Variants in PCSK5 observed in about 807,000 individuals in gnomAD.
PCSK5 encodes the protein prohormone convertase 5.
PCSK5 carries 129 observed loss-of-function variants against 233.2 expected under a neutral mutation model. The ratio of observed to expected loss-of-function variants is 0.55; its 90% confidence interval spans 0.48 to 0.64. The LOEUF (loss-of-function observed/expected upper bound fraction) is 0.64, where lower values mean the gene tolerates loss of function less well. Among genes scored for constraint, PCSK5 ranks in the 30% least tolerant of loss-of-function variants. The probability of loss-of-function intolerance (pLI) is 0.00; values close to 1 mark genes in which losing one functional copy is unlikely to be tolerated. For synonymous variants in PCSK5, 825 were observed against 879.2 expected, an observed-to-expected ratio of 0.94 and a Z score of 1.09; for missense variants, 2,076 against 2,430.1, an observed-to-expected ratio of 0.85 and a Z score of 3.06.
chr9:76,048,561 C>A (rs566977258), intron 5 of PCSK5, among the ~76,000 whole-genome samples: 1 of 152,284 alleles, frequency 6.6e-6, no homozygotes, highest in South Asian at 2.1e-4. Context: ...GACTTGGTTT[C>A]AGAAGTTCTG....
intron 24 of PCSK5, among the ~76,000 whole-genome samples, chr9:76,254,608 A>C (rs1002420): frequency 0.53 from 79,880 of 152,024 alleles, 21,905 homozygotes; most frequent in Non-Finnish European, 0.6. Flanking sequence ...GCTAAAAGGA[A>C]CTTGACCCTT....
In PCSK5 at chr9:76,184,657, CTCT is replaced by C; in HGVS notation, c.2198-14_2198-12del. 6.4e-7 allele frequency: 1 copy of C among 1,569,860 alleles called. No homozygotes were observed. The highest frequency in any genetic ancestry group is 8.7e-7 in the Non-Finnish European group (1 of 1,143,102). On this transcript the variant is annotated splice_polypyrimidine_tract_variant and intron_variant, in intron 16 of 37. Coordinates refer to ENST00000674117, the MANE Select transcript of PCSK5 (RefSeq NM_001372043.1). Reference sequence around the variant, plus strand: ...AATTGACCAACTGATTTACAACTTTCTCTTTTTTTTAACAGAGAAAAATCTTTG... The same window carrying C: ...AATTGACCAACTGATTTACAACTTTCTTTTTTTAACAGAGAAAAATCTTTG...
At chr9:76,022,995 G>A (rs1252847304) in intron 3 of PCSK5, among the ~76,000 whole-genome samples, 1 of 152,202 alleles carries the variant, frequency 6.6e-6, no homozygotes, top group Non-Finnish European at 1.5e-5. Context: ...GCTGTACAGA[G>A]AAGCTGCCTG....
intron 33 of PCSK5, among the ~76,000 whole-genome samples, chr9:76,329,833 AG>A (rs1356486342): frequency 2.0e-5 from 3 of 152,048 alleles, no homozygotes; most frequent in African/African-American, 7.2e-5. Flanking sequence ...ACTCTATCTC[AG>A]AAAAAAAAGA....
At chr9:76,259,456 TACACAC>T (rs10592376) in intron 24 of PCSK5, among the ~76,000 whole-genome samples, 232 of 148,556 alleles carry the variant, frequency 1.6e-3, no homozygotes, top group South Asian at 6.3e-3. Flanking sequence ...CTGTCTACAC[TACACAC>T]ACACACACAC....
intron 9 of PCSK5, among the ~76,000 whole-genome samples, chr9:76,110,213 C>T (rs1238262849): frequency 6.6e-6 from 1 of 150,898 alleles, no homozygotes; most frequent in East Asian, 1.9e-4. Context: ...CTGCCCTACT[C>T]GCTGGGTATG....
chr9:76,285,933 G>A (rs78656400), intron 24 of PCSK5, among the ~76,000 whole-genome samples: 178 of 152,000 alleles, frequency 1.2e-3, no homozygotes, highest in Non-Finnish European at 2.0e-3. Flanking sequence ...AATTTCTTTG[G>A]TAATAAATGA....
chr9:76,092,594 T>C (rs1831340641), intron 7 of PCSK5, among the ~76,000 whole-genome samples: 2 of 152,162 alleles, frequency 1.3e-5, no homozygotes, highest in Non-Finnish European at 2.9e-5. Flanking sequence ...AGACAAGGTC[T>C]CGCTATGTTG....
intron 24 of PCSK5, among the ~76,000 whole-genome samples, chr9:76,276,009 G>T (rs1050030711): frequency 6.6e-6 from 1 of 152,136 alleles, no homozygotes; most frequent in African/African-American, 2.4e-5. Flanking sequence ...CTTCTAAGTC[G>T]ACTTCACTGC....
intron 14 of PCSK5, among the ~76,000 whole-genome samples, chr9:76,176,999 C>G (rs1823643077): frequency 6.6e-6 from 1 of 152,112 alleles, no homozygotes; most frequent in Non-Finnish European, 1.5e-5. Context: ...TAATGAAGAA[C>G]TGTTTATAGG....
At chr9:75,930,304 C>G (rs1486249742) in intron 1 of PCSK5, among the ~76,000 whole-genome samples, 1 of 152,064 alleles carries the variant, frequency 6.6e-6, no homozygotes, top group African/African-American at 2.4e-5. Flanking sequence ...GGTGGGGACG[C>G]AGCCAAACAA....
intron 35 of PCSK5, among the ~76,000 whole-genome samples, chr9:76,343,655 C>T (rs1431852680): frequency 6.6e-6 from 1 of 152,154 alleles, no homozygotes; most frequent in Non-Finnish European, 1.5e-5. Context: ...ACCCACTTTC[C>T]CTCTCTCTGG....
At chr9:76,211,981 A>G (rs1825345419) in intron 20 of PCSK5, among the ~76,000 whole-genome samples, 1 of 152,206 alleles carries the variant, frequency 6.6e-6, no homozygotes, top group Non-Finnish European at 1.5e-5. Context: ...ATGCTGGTTC[A>G]TCTTTTACCT....
intron 30 of PCSK5, among the ~76,000 whole-genome samples, chr9:76,313,481 A>G (rs11144826): frequency 0.078 from 11,891 of 152,046 alleles, 515 homozygotes; most frequent in African/African-American, 0.093. Context: ...TCTACTTTCT[A>G]TCCCTGTAGA....
At chr9:76,152,801 C>G (rs1449173253) in intron 10 of PCSK5, among the ~76,000 whole-genome samples, 1 of 152,124 alleles carries the variant, frequency 6.6e-6, no homozygotes, top group Non-Finnish European at 1.5e-5. Flanking sequence ...AGAATAGAGT[C>G]TTTTAGGCCT....
chr9:76,227,793 G>A lies in PCSK5; in HGVS notation c.2729+188G>A, dbSNP rs143850743. ...CTCTGTAGTATCCTCTCCCCATGAC[G>A]CCCAGTCCCCACCACAAGGACCAGT... On this transcript the variant is annotated intron_variant, in intron 21 of 37. Coordinates refer to ENST00000674117, the MANE Select transcript of PCSK5 (RefSeq NM_001372043.1). Among the ~76,000 whole-genome samples the A allele has an allele frequency of 4.5e-4, 69 of 152,072 alleles. 1 individual carries two copies. The highest frequency in any genetic ancestry group is 2.1e-4 in the Non-Finnish European group (14 of 67,992).
chr9:76,084,824 C>T (rs1241529604), intron 7 of PCSK5, among the ~76,000 whole-genome samples: 1 of 152,148 alleles, frequency 6.6e-6, no homozygotes, highest in East Asian at 1.9e-4. Context: ...GCCCATGGAA[C>T]TCAGTTGATA....
At chr9:76,170,600 C>T (rs940170317) in intron 13 of PCSK5, among the ~76,000 whole-genome samples, 6 of 152,206 alleles carry the variant, frequency 3.9e-5, no homozygotes, top group African/African-American at 1.4e-4. Context: ...TCCCACCCAT[C>T]CATGAACACA....
At chr9:76,235,088 C>T (rs1241234486) in intron 22 of PCSK5, among the ~76,000 whole-genome samples, 1 of 152,154 alleles carries the variant, frequency 6.6e-6, no homozygotes. Flanking sequence ...GGCATGGTTT[C>T]TACCTTGTTT....
Sources: gnomAD v4.1 joint callset for allele counts (sites outside exome capture counted in the v4.1 genomes callset) on GRCh38, gnomAD v4.1.1 for gene constraint, MANE v1.5 for transcripts, NCBI Gene and HGNC (gene_info 2026-07-23, HGNC 2026-07-21) for gene names.